The following KLRG1 variants were observed in gnomAD, a reference collection of about 807,000 sequenced individuals.
KLRG1 encodes killer cell lectin like receptor G1.
KLRG1 carries 16 observed loss-of-function variants against 21.8 expected under a neutral mutation model. The ratio of observed to expected loss-of-function variants is 0.73; its 90% CI spans 0.50 to 1.11. The LOEUF (loss-of-function observed/expected upper bound fraction) is 1.11. Among genes scored for constraint, KLRG1 ranks in the 50% most tolerant of loss-of-function variants. The probability of loss-of-function intolerance (pLI) is 0.00; values close to 1 mark genes in which losing one functional copy is unlikely to be tolerated. For synonymous variants in KLRG1, 69 were observed against 75.9 expected (o/e 0.91, Z 0.47); for missense variants, 173 against 218.3 (o/e 0.79, Z 1.31).
chr12:9,207,814 A>G, the KLRG1 span, among the ~76,000 whole-genome samples: 1 of 152,080 alleles, frequency 6.6e-6, no homozygotes, highest in East Asian at 1.9e-4. Context: ...GGTTAAAATT[A>G]TTTTCCCTGC....
chr12:9,003,862 C>T (rs1261603586), intron 3 of KLRG1, among the ~76,000 whole-genome samples: 4 of 151,654 alleles, frequency 2.6e-5, no homozygotes, highest in Non-Finnish European at 5.9e-5. Flanking sequence ...CCTTCCCCCA[C>T]CCCACAACTG....
chr12:9,089,855 ATATAT>A, the KLRG1 span: 29 of 1,237,596 alleles, frequency 2.3e-5, no homozygotes, highest in Non-Finnish European at 3.1e-5. Flanking sequence ...TATTACCCAC[ATATAT>A]TATATATTAT....
the KLRG1 span, chr12:9,201,229 A>C: frequency 7.5e-7 from 1 of 1,342,144 alleles, no homozygotes; most frequent in South Asian, 1.3e-5. Flanking sequence ...TTCAGATCTG[A>C]AAATTTTTAA....
chr12:8,956,972 C>G (rs1283028722), intron 1 of KLRG1, among the ~76,000 whole-genome samples: 1 of 152,148 alleles, frequency 6.6e-6, no homozygotes, highest in Non-Finnish European at 1.5e-5. Flanking sequence ...AGCCAAGAGC[C>G]AAGCACAGCC....
the KLRG1 span, chr12:9,112,532 G>C: frequency 1.2e-6 from 2 of 1,613,430 alleles, no homozygotes; most frequent in Non-Finnish European, 8.5e-7. Context: ...TGAAGACTTT[G>C]GGACCTGAAA....
At chr12:9,064,331 G>C in the KLRG1 span, 1 of 153,520 alleles carries the variant, frequency 6.5e-6, no homozygotes, top group African/African-American at 2.4e-5. The surrounding 1 kb of genome is among the most constrained non-coding windows in gnomAD (Gnocchi z 4.0). Context: ...CATCACGCCA[G>C]CTGCAGCAGG....
chr12:9,118,614 A>G, the KLRG1 span, among the ~76,000 whole-genome samples: 1 of 152,200 alleles, frequency 6.6e-6, no homozygotes, highest in Non-Finnish European at 1.5e-5. Flanking sequence ...GAGGTCTGTT[A>G]CAGCATTAAA....
chr12:9,200,139 A>G, the KLRG1 span, among the ~76,000 whole-genome samples: 1 of 152,214 alleles, frequency 6.6e-6, no homozygotes, highest in African/African-American at 2.4e-5. Flanking sequence ...AGCAAAATAT[A>G]TGATGAAACA....
At chr12:9,138,034 G>A in the KLRG1 span, among the ~76,000 whole-genome samples, 1 of 152,066 alleles carries the variant, frequency 6.6e-6, no homozygotes, top group African/African-American at 2.4e-5. Flanking sequence ...TAACTGTTCT[G>A]GCTAGGGCTT....
At chr12:9,023,238 T>C in the KLRG1 span, among the ~76,000 whole-genome samples, 1 of 152,192 alleles carries the variant, frequency 6.6e-6, no homozygotes. Context: ...AGTATCGGAA[T>C]TGAATTGAGT....
chr12:9,164,149 C>T, the KLRG1 span: 1 of 1,611,646 alleles, frequency 6.2e-7, no homozygotes, highest in Non-Finnish European at 8.5e-7. Context: ...TTTTAGGAGT[C>T]ACTGTCCAAG....
the KLRG1 span, chr12:9,068,115 A>C: frequency 2.0e-6 from 3 of 1,527,530 alleles, no homozygotes; most frequent in Non-Finnish European, 2.7e-6. Flanking sequence ...GCGTTTTATG[A>C]AGGAGAAGGT....
intron 1 of KLRG1, among the ~76,000 whole-genome samples, chr12:8,957,520 TTTG>T (rs1946314937): frequency 6.6e-6 from 1 of 151,642 alleles, no homozygotes; most frequent in Non-Finnish European, 1.5e-5. Context: ...TGTTTGTTTG[TTTG>T]TTTTGTTTTG....
chr12:9,073,750 G>A, the KLRG1 span, among the ~76,000 whole-genome samples: 1 of 152,154 alleles, frequency 6.6e-6, no homozygotes, highest in African/African-American at 2.4e-5. Flanking sequence ...GATGAATAAA[G>A]ACAGTTCTTT....
chr12:9,072,600 G>T, the KLRG1 span: 1 of 1,599,050 alleles, frequency 6.3e-7, no homozygotes, highest in South Asian at 1.1e-5. Flanking sequence ...ACTTCTCAGA[G>T]AGAACAGCTG....
chr12:9,098,572 G>T, the KLRG1 span: 1 of 1,568,592 alleles, frequency 6.4e-7, no homozygotes, highest in African/African-American at 1.4e-5. Flanking sequence ...CCCTGGCACG[G>T]CCCTTCTTGA....
At position 8,991,504 on chromosome 12, in the gene KLRG1, T is replaced by C. The variant is rs1293746872; in HGVS notation, c.83-702T>C. Among the ~76,000 whole-genome samples the C allele has an allele frequency of 5.3e-5, 8 of 152,306 alleles. No homozygotes were observed. In the East Asian group the frequency reaches 1.5e-3, roughly 29 times the overall value. ...AAAGAAAATAGGGTAAAAAGTCTTT[T>C]TCCTATTTTGTCTCCAGTGACTGTT... On this transcript the variant is annotated intron_variant, in intron 1 of 4. Transcript: ENST00000356986.
At chr12:9,068,058 T>G in the KLRG1 span, 2 of 1,173,792 alleles carry the variant, frequency 1.7e-6, no homozygotes, top group Non-Finnish European at 2.5e-6. Context: ...TTTTCTATAA[T>G]AATGTGCAGT....
At chr12:9,049,584 T>G in the KLRG1 span, among the ~76,000 whole-genome samples, 27 of 152,340 alleles carry the variant, frequency 1.8e-4, no homozygotes, top group Admixed American at 4.6e-4. Flanking sequence ...TAGTACCTTA[T>G]TTTATCTTCT....
Sources: gnomAD v4.1 joint callset for allele counts (sites outside exome capture counted in the v4.1 genomes callset) on GRCh38, gnomAD v4.1.1 for gene constraint, Gnocchi (gnomAD v3.1) non-coding constraint, MANE v1.5 for transcripts, NCBI Gene and HGNC (gene_info 2026-07-23, HGNC 2026-07-21) for gene names.